The following PRDM16 variants were observed in gnomAD, a reference collection of about 807,000 sequenced individuals.
PRDM16 encodes the protein histone-lysine N-methyltransferase PRDM16.
In PRDM16, 23 loss-of-function variants were observed where a neutral mutation model predicts 110.6. The observed-to-expected ratio is 0.21, with a 90% CI of 0.15 to 0.29. The LOEUF (loss-of-function observed/expected upper bound fraction) is 0.29, where lower values mean the gene tolerates loss of function less well. PRDM16 is among the 10% of genes least tolerant of loss of function. The pLI, the probability that PRDM16 is intolerant of heterozygous loss-of-function variation, is 1.00. For missense variants in PRDM16, 1,615 were observed against 1,794.3 expected (o/e 0.90, Z 1.81); for synonymous variants, 799 against 781.8 (o/e 1.02, Z -0.37).
At chr1:3,166,204 A>C (rs1643954333) in intron 1 of PRDM16, among the ~76,000 whole-genome samples, 1 of 152,238 alleles carries the variant, frequency 6.6e-6, no homozygotes, top group South Asian at 2.1e-4. Flanking sequence ...CCTTTTGCTT[A>C]GCAGAGAAAA....
In PRDM16 at chr1:3,426,038, C is replaced by T. The variant is rs150372316; in HGVS notation, c.3110-13C>T. On this transcript the variant is annotated splice_polypyrimidine_tract_variant and intron_variant, in intron 13 of 16. Coordinates refer to ENST00000270722, the MANE Select transcript of PRDM16 (RefSeq NM_022114.4). ...GCGAGAGGCCGCCCCCTGATGCTCC[C>T]GCCCCTCCGCAGTGAGCCAGCACCC... 346 of 1,605,460 alleles carry T rather than the reference C, an allele frequency of 2.2e-4. 1 individual carries two copies. In the African/African-American group the frequency reaches 4.1e-3, roughly 19 times the overall value.
intron 3 of PRDM16, among the ~76,000 whole-genome samples, chr1:3,249,339 G>A (rs1238288004): frequency 6.6e-6 from 1 of 152,104 alleles, no homozygotes; most frequent in Non-Finnish European, 1.5e-5. Context: ...GGTGGGTATG[G>A]GAACTAGAAG....
At chr1:3,124,199 C>T (rs1189068573) in intron 1 of PRDM16, among the ~76,000 whole-genome samples, 1 of 152,152 alleles carries the variant, frequency 6.6e-6, no homozygotes, top group African/African-American at 2.4e-5. Flanking sequence ...GTCCTGTCCT[C>T]GTACCCTGGC....
chr1:3,414,677 T>C, intron 10 of PRDM16, 30 bp downstream of exon 10: 1 of 1,566,478 alleles, frequency 6.4e-7, no homozygotes. Context: ...CAGGGCGCCC[T>C]GTAACCCACA....
intron 3 of PRDM16, among the ~76,000 whole-genome samples, chr1:3,352,321 A>G (rs533169021): frequency 6.6e-6 from 1 of 151,182 alleles, no homozygotes; most frequent in East Asian, 2.0e-4. Flanking sequence ...ACGACTTCCC[A>G]CGGCAGAGTT....
chr1:3,232,391 G>A (rs1172087866), intron 2 of PRDM16, among the ~76,000 whole-genome samples: 2 of 152,194 alleles, frequency 1.3e-5, no homozygotes, highest in Admixed American at 6.5e-5. Flanking sequence ...ATTATTGTAG[G>A]ATTATTTCAA....
intron 3 of PRDM16, among the ~76,000 whole-genome samples, chr1:3,356,307 G>A (rs563095284): frequency 1.3e-5 from 2 of 152,348 alleles, no homozygotes; most frequent in East Asian, 3.9e-4. Context: ...AAAGGTGACA[G>A]TGCCCCTGGC....
rs1191707242 is a variant in PRDM16 at position 3,409,032 on chromosome 1, AGTGTGGGC to A, written c.1187-2343_1187-2336del. ...GAGCCGGGGCATGTCAGTGTGTGTG[AGTGTGGGC>A]GTGTGGGCCGGTGCGTGTGTCGGCG... On this transcript the variant is annotated intron_variant, in intron 8 of 16. Transcript: ENST00000270722. Among the ~76,000 whole-genome samples, 5 of 141,748 alleles carry A rather than the reference AGTGTGGGC, an allele frequency of 3.5e-5. No homozygotes were observed. In the East Asian group the frequency reaches 1.1e-3, roughly 31 times the overall value. 93.0% of individuals were successfully genotyped at this position (141,748 alleles called of 152,430 possible).
chr1:3,169,117 TGTG>T (rs746565170), intron 1 of PRDM16, among the ~76,000 whole-genome samples: 30 of 152,164 alleles, frequency 2.0e-4, no homozygotes, highest in Non-Finnish European at 3.8e-4. Context: ...TTGTGACAAG[TGTG>T]GTGTGTGGCC....
chr1:3,131,384 C>T (rs182979693), intron 1 of PRDM16, among the ~76,000 whole-genome samples: 2 of 152,272 alleles, frequency 1.3e-5, no homozygotes, highest in East Asian at 3.9e-4. Flanking sequence ...TTAATTCTTC[C>T]TGTGAAGGAA....
At chr1:3,168,676 A>G (rs1331414110) in intron 1 of PRDM16, among the ~76,000 whole-genome samples, 1 of 151,990 alleles carries the variant, frequency 6.6e-6, no homozygotes, top group African/African-American at 2.4e-5. Context: ...TAAAATGTAA[A>G]GGTGATTAAT....
chr1:3,144,658 C>A (rs1643612227), intron 1 of PRDM16, among the ~76,000 whole-genome samples: 2 of 152,220 alleles, frequency 1.3e-5, no homozygotes, highest in South Asian at 4.1e-4. Context: ...GGAGAGGAAA[C>A]CAAGGCGTGG....
At position 3,353,887 on chromosome 1, in the gene PRDM16, T is replaced by C. The variant is rs186713956; in HGVS notation, c.439-31265T>C. Among the ~76,000 whole-genome samples, 1 of 151,988 alleles carries C rather than the reference T, an allele frequency of 6.6e-6. No homozygotes were observed. Among genetic ancestry groups the C allele is most frequent in the Non-Finnish European group, 1.5e-5 (1 of 67,954 alleles). On this transcript the variant is annotated intron_variant, in intron 3 of 16. Coordinates refer to ENST00000270722, the MANE Select transcript of PRDM16 (RefSeq NM_022114.4). This position sits in a 1 kb window ranked among gnomAD's most constrained non-coding sequence, Gnocchi z 5.4. ...CAGCTTGGTAGACCTAGGGGGTCTT[T>C]CTAGAAGCCAAGGGGGCCCTTGGCA...
chr1:3,282,623 C>G (rs1557579609), intron 3 of PRDM16, among the ~76,000 whole-genome samples: 1 of 152,184 alleles, frequency 6.6e-6, no homozygotes, highest in Non-Finnish European at 1.5e-5. Flanking sequence ...GTCACTGAAG[C>G]CTTCCTGGTC....
At chr1:3,123,743 G>A (rs1035604227) in intron 1 of PRDM16, among the ~76,000 whole-genome samples, 15 of 152,260 alleles carry the variant, frequency 9.9e-5, no homozygotes, top group Non-Finnish European at 1.8e-4. Context: ...CCGGTGGCCC[G>A]AGAAGCAGGG....
chr1:3,396,464 C>G (rs777358927), intron 4 of PRDM16, 27 bp from the exon 5 acceptor site: 13 of 1,297,708 alleles, frequency 1.0e-5, no homozygotes, highest in Non-Finnish European at 1.4e-5. Context: ...CCACACTCAC[C>G]CTTTCTCTCT....
At chr1:3,327,627 G>A (rs1255574381) in intron 3 of PRDM16, among the ~76,000 whole-genome samples, 1 of 152,212 alleles carries the variant, frequency 6.6e-6, no homozygotes, top group African/African-American at 2.4e-5. Flanking sequence ...CAGAAGCTGA[G>A]CCTTTTCTTG....
intron 1 of PRDM16, among the ~76,000 whole-genome samples, chr1:3,100,573 G>A (rs891842198): frequency 2.0e-5 from 3 of 152,124 alleles, no homozygotes; most frequent in African/African-American, 7.2e-5. Context: ...CTGGAGAAGC[G>A]AGCTCCAGGC....
intron 11 of PRDM16, 143 bp from the exon 12 acceptor site, chr1:3,418,524 G>C: frequency 1.5e-6 from 1 of 669,360 alleles, no homozygotes; most frequent in Admixed American, 2.3e-5. Flanking sequence ...GGCCGTGGAA[G>C]GGACTGAAAC....
Sources: allele counts gnomAD v4.1 joint callset (sites outside exome capture counted in the v4.1 genomes callset), GRCh38; gene constraint gnomAD v4.1.1; non-coding constraint Gnocchi (gnomAD v3.1); transcripts MANE v1.5; gene names NCBI Gene and HGNC (gene_info 2026-07-23, HGNC 2026-07-21).